Variants in DSCAM observed in about 807,000 individuals in gnomAD.
DSCAM encodes the protein DS cell adhesion molecule.
In DSCAM, 47 loss-of-function variants were observed where a neutral mutation model predicts 217.7. The ratio of observed to expected loss-of-function variants is 0.22; its 90% CI spans 0.17 to 0.28. The LOEUF (loss-of-function observed/expected upper bound fraction) is 0.28. Ranked by LOEUF, DSCAM falls within the 10% of genes least tolerant of loss-of-function variation. DSCAM has a pLI of 1.00. For missense variants in DSCAM, 2,080 were observed against 2,618.3 expected, an observed-to-expected ratio of 0.79 and a Z score of 4.49; for synonymous variants, 1,056 against 1,015.3, an observed-to-expected ratio of 1.04 and a Z score of -0.76.
chr21:40,153,687 A>T (rs571596184), intron 16 of DSCAM, among the ~76,000 whole-genome samples: 4 of 152,258 alleles, frequency 2.6e-5, no homozygotes, highest in Admixed American at 2.0e-4. Flanking sequence ...CTGGGGACCC[A>T]CTCAGAGTTC....
intron 3 of DSCAM, among the ~76,000 whole-genome samples, chr21:40,687,729 T>C (rs2090496124): frequency 1.3e-5 from 2 of 152,202 alleles, no homozygotes; most frequent in South Asian, 2.1e-4. Flanking sequence ...CCTTCTCTAC[T>C]TCCCCAGGCA....
intron 20 of DSCAM, among the ~76,000 whole-genome samples, chr21:40,112,449 C>G (rs2089911342): frequency 6.6e-6 from 1 of 151,914 alleles, no homozygotes; most frequent in African/African-American, 2.4e-5. Context: ...CACTAAATGC[C>G]CACAAGAGAA....
intron 14 of DSCAM, among the ~76,000 whole-genome samples, chr21:40,179,532 C>T (rs1024821927): frequency 6.6e-6 from 1 of 152,152 alleles, no homozygotes; most frequent in African/African-American, 2.4e-5. Context: ...CCCCCAAAAT[C>T]CCTGGCATTT....
At chr21:40,125,986 C>T (rs543891450) in intron 19 of DSCAM, among the ~76,000 whole-genome samples, 10 of 152,298 alleles carry the variant, frequency 6.6e-5, no homozygotes, top group African/African-American at 2.2e-4. Context: ...TAGTTTAGCA[C>T]CAACCAGTTG....
chr21:40,348,407 G>A (rs111348935), intron 5 of DSCAM, among the ~76,000 whole-genome samples: 1 of 96,846 alleles, frequency 1.0e-5, no homozygotes, highest in Non-Finnish European at 2.0e-5. Flanking sequence ...TCATACCCTA[G>A]AGAGTTCCTA....
rs971177219 is a variant in DSCAM at position 40,419,970 on chromosome 21, A to T, written c.509-50725T>A. Among the ~76,000 whole-genome samples the T allele has an allele frequency of 1.1e-4, 17 of 152,306 alleles. No individual in the cohort carries two copies. The South Asian group carries it at 3.1e-3, about 28-fold the overall frequency. ...ATAAAATTTAAGAGTAATCATTAGA[A>T]CAAATACTGAAGGAATGCTTTTGAG... On this transcript the variant is annotated intron_variant, in intron 3 of 32. Transcript: ENST00000400454.
chr21:40,458,268 G>A (rs144689712), intron 3 of DSCAM, among the ~76,000 whole-genome samples: 15 of 152,138 alleles, frequency 9.9e-5, no homozygotes, highest in African/African-American at 3.6e-4. Context: ...AGGTCACAAA[G>A]AGAAGTTCAT....
At chr21:40,031,208 T>C (rs1386028523) in intron 32 of DSCAM, among the ~76,000 whole-genome samples, 1 of 152,064 alleles carries the variant, frequency 6.6e-6, no homozygotes, top group East Asian at 1.9e-4. Flanking sequence ...TGGAAAGTGA[T>C]GGGGGAGGCA....
chr21:40,695,783 TACATGTATGC>T (rs1397598620), intron 2 of DSCAM, among the ~76,000 whole-genome samples: 14 of 152,346 alleles, frequency 9.2e-5, no homozygotes, highest in Admixed American at 2.0e-4. Flanking sequence ...TTACAGAATA[TACATGTATGC>T]ACATTTGAAT....
At chr21:40,473,654 T>C (rs189430358) in intron 3 of DSCAM, among the ~76,000 whole-genome samples, 1 of 152,140 alleles carries the variant, frequency 6.6e-6, no homozygotes, top group African/African-American at 2.4e-5. Flanking sequence ...CCAAAATTCA[T>C]GTTGAAGTCC....
At chr21:40,472,630 G>T (rs1180330815) in intron 3 of DSCAM, among the ~76,000 whole-genome samples, 1 of 152,182 alleles carries the variant, frequency 6.6e-6, no homozygotes, top group Non-Finnish European at 1.5e-5. Flanking sequence ...TGATATTGCA[G>T]ATAGTTCAAA....
chr21:40,708,805 G>T (rs1284237826), intron 1 of DSCAM, 34 bp from the exon 2 acceptor site: 1 of 1,398,530 alleles, frequency 7.2e-7, no homozygotes, highest in South Asian at 1.8e-5. Flanking sequence ...CCATAGGTGA[G>T]TAAAACATGC....
chr21:40,313,120 T>TAAAA (rs531764117), intron 8 of DSCAM, among the ~76,000 whole-genome samples: 27 of 135,170 alleles, frequency 2.0e-4, no homozygotes, highest in Non-Finnish European at 2.9e-4. Context: ...TCTAAAAAAC[T>TAAAA]AAAAAAAAAA....
At chr21:40,045,448 C>G (rs1426818091) in intron 30 of DSCAM, among the ~76,000 whole-genome samples, 1 of 152,134 alleles carries the variant, frequency 6.6e-6, no homozygotes, top group African/African-American at 2.4e-5. Context: ...AATCTGGAAC[C>G]AAAGGCAGCA....
In DSCAM at chr21:40,692,939, T is replaced by C. The variant is rs1198203558; in HGVS notation, c.379A>G (p.Thr127Ala). Residue 127 changes from threonine to alanine, a missense_variant, in exon 3 of 33, where the codon ACA becomes GCA. Coordinates refer to ENST00000400454, the MANE Select transcript of DSCAM (RefSeq NM_001389.5). ...GTTTTCTGGTCCTCCACACGGACTGTATAGGGCTCCCGTAAAACTGGAAGG... is the reference window on the plus strand; with the variant it reads ...GTTTTCTGGTCCTCCACACGGACTGCATAGGGCTCCCGTAAAACTGGAAGG... ...HIKAVLREPY[T>A]VRVEDQKTMR... 4.4e-6 allele frequency: 7 copies of C among 1,608,580 alleles called. No individual in the cohort carries two copies. The highest frequency in any genetic ancestry group is 1.7e-5 in the Admixed American group (1 of 59,926).
At chr21:40,697,151 A>G (rs2090604626) in intron 2 of DSCAM, among the ~76,000 whole-genome samples, 1 of 152,178 alleles carries the variant, frequency 6.6e-6, no homozygotes, top group Admixed American at 6.5e-5. Flanking sequence ...ATGTGAGTGA[A>G]AACATGTAAT....
chr21:40,754,742 C>G (rs2091259677), intron 1 of DSCAM, among the ~76,000 whole-genome samples: 1 of 152,170 alleles, frequency 6.6e-6, no homozygotes, highest in Non-Finnish European at 1.5e-5. Context: ...AGGCAGGCAC[C>G]AACAGCACCT....
intron 4 of DSCAM, among the ~76,000 whole-genome samples, chr21:40,362,117 G>T (rs529716570): frequency 2.9e-4 from 44 of 152,010 alleles, no homozygotes; most frequent in Non-Finnish European, 1.5e-4. Flanking sequence ...ATTTTTTATG[G>T]CTGCATAGTA....
In DSCAM at chr21:40,658,719, G is replaced by C. The variant is rs1176160829; in HGVS notation, c.508+34091C>G. Reference sequence around the variant, plus strand: ...GTGAAAGAAAATTGATGGGGGGAGTGGGGGTAGGAAGAAAAATAAAAACAG... The same window carrying C: ...GTGAAAGAAAATTGATGGGGGGAGTCGGGGTAGGAAGAAAAATAAAAACAG... On this transcript the variant is annotated intron_variant, in intron 3 of 32. Transcript: ENST00000400454. Among the ~76,000 whole-genome samples the C allele has an allele frequency of 2.0e-5, 3 of 152,084 alleles. No homozygotes were observed. The East Asian group carries it at 5.8e-4, about 29-fold the overall frequency.
Sources: gnomAD v4.1 joint callset for allele counts (sites outside exome capture counted in the v4.1 genomes callset) on GRCh38, gnomAD v4.1.1 for gene constraint, MANE v1.5 for transcripts, NCBI Gene and HGNC (gene_info 2026-07-23, HGNC 2026-07-21) for gene names.